Variants in IQGAP3 observed in about 807,000 individuals in gnomAD.
IQGAP3 encodes IQ motif containing GTPase activating protein 3, also known as ras GTPase-activating-like protein IQGAP3.
Under a neutral mutation model 208.2 loss-of-function variants are expected in IQGAP3, and 165 were observed. That is an observed-to-expected ratio of 0.79 (90% CI 0.70 to 0.90). The LOEUF (loss-of-function observed/expected upper bound fraction) is 0.90, where lower values mean the gene tolerates loss of function less well. Ranked by LOEUF, IQGAP3 falls within the 40% of genes least tolerant of loss-of-function variation. The pLI is 0.00. For missense variants in IQGAP3, 1,811 were observed against 2,043.1 expected (o/e 0.89, Z 2.19); for synonymous variants, 703 against 803.6 (o/e 0.87, Z 2.12).
rs1192416330 is a variant in IQGAP3, at chr1:156,539,956, C to G, written c.2774G>C (p.Arg925Thr). ...VVSHCKKLTK[R>T]NKEQLSDMMV... is the part of the protein sequence containing the mutation. Reference sequence around the variant, plus strand: ...CATATCTGACAGCTGTTCCTTATTCCTCTTGGTCAGCTTCTTGCAGTGGGA... The same window carrying G: ...CATATCTGACAGCTGTTCCTTATTCGTCTTGGTCAGCTTCTTGCAGTGGGA... Residue 925 changes from arginine (R) to threonine (T), a missense_variant, in exon 24 of 38, where the codon AGG (arginine) becomes ACG (threonine). Physicochemically the swap from Arg to Thr is moderately conservative, Grantham distance 71. Coordinates refer to ENST00000361170, the MANE Select transcript of IQGAP3 (RefSeq NM_178229.5). 1 of 1,614,104 alleles carries G rather than the reference C, an allele frequency of 6.2e-7. No individual in the cohort carries two copies. Among genetic ancestry groups the G allele is most frequent in the Admixed American group, 1.7e-5 (1 of 60,008 alleles).
Position 156,566,584 on chromosome 1 carries a change from G to T in IQGAP3, c.126-38C>A. 3 of 1,600,960 alleles carry T rather than the reference G, an allele frequency of 1.9e-6. No homozygotes were observed. In the South Asian group the frequency reaches 3.3e-5, roughly 18 times the overall value. ...GAACACCTTCTCACGCACTCTGGCA[G>T]ACCACAGTGATTTATTCTAACAACA... is the stretch of plus-strand genomic sequence containing the variant. On this transcript the variant is annotated intron_variant, in intron 2 of 37. Transcript: ENST00000361170.
At chr1:156,553,597 T>C (rs186810550) in intron 13 of IQGAP3, among the ~76,000 whole-genome samples, 2 of 148,924 alleles carry the variant, frequency 1.3e-5, no homozygotes, top group South Asian at 4.3e-4. Context: ...TTTTTTTTTT[T>C]TGAGATGGAG....
At chr1:156,564,085 G>T (rs889837418) in intron 5 of IQGAP3, among the ~76,000 whole-genome samples, 1 of 152,154 alleles carries the variant, frequency 6.6e-6, no homozygotes, top group African/African-American at 2.4e-5. Flanking sequence ...GCAGTAGCAG[G>T]TCACTCAATG....
intron 7 of IQGAP3, 89 bp downstream of exon 7, chr1:156,563,464 C>T: frequency 7.5e-7 from 1 of 1,339,090 alleles, no homozygotes; most frequent in South Asian, 1.4e-5. Flanking sequence ...TGGATGAGAG[C>T]TGGCCAGAAC....
chr1:156,529,361 G>A (rs1034480440), intron 34 of IQGAP3, among the ~76,000 whole-genome samples: 1 of 152,056 alleles, frequency 6.6e-6, no homozygotes, highest in Non-Finnish European at 1.5e-5. Context: ...TGAGGATTGG[G>A]TTTTCATGCT....
chr1:156,554,493 T>G, intron 12 of IQGAP3, 101 bp from the exon 13 acceptor site: 4 of 1,206,964 alleles, frequency 3.3e-6, no homozygotes, highest in Non-Finnish European at 4.5e-6. Flanking sequence ...CCAGAGTCTC[T>G]ATCCCAAAAC....
At position 156,539,851 on chromosome 1, in the gene IQGAP3, AAG is replaced by A; in HGVS notation, c.2877_2878del (p.Phe960LeufsTer85). 6.2e-7 allele frequency: 1 copy of A among 1,614,182 alleles called. No individual in the cohort carries two copies. Among genetic ancestry groups the A allele is most frequent in the Non-Finnish European group, 8.5e-7 (1 of 1,180,014 alleles). On this transcript the variant is annotated frameshift_variant, in exon 24 of 38. Coordinates refer to ENST00000361170, the MANE Select transcript of IQGAP3 (RefSeq NM_178229.5). LOFTEE classifies it high-confidence loss of function. ...TCCTCTGCTAACCTGGAGCAGGTAG[AAG>A]AGGTGTTGGTATGCTTCTAGTTTCT...
At position 156,538,662 on chromosome 1, in the gene IQGAP3, A is replaced by T. The variant is rs1674821661; in HGVS notation, c.3281+147T>A. 14 of 648,882 alleles carry T rather than the reference A, an allele frequency of 2.2e-5. No homozygotes were observed. The South Asian group carries it at 2.4e-4, about 11-fold the overall frequency. The allele number at this position is 648,882 out of a possible 1,614,324, so 40.2% of individuals were successfully genotyped here. A position where few individuals can be genotyped will look rare whatever the true frequency, so the allele number is the denominator to read the frequency against. On this transcript the variant is annotated intron_variant, in intron 26 of 37. Coordinates refer to ENST00000361170, the MANE Select transcript of IQGAP3 (RefSeq NM_178229.5). Reference sequence around the variant, plus strand: ...AAAAGACTACCTTATTCATGCCTACAAAGCTGGTGTCATATTTGCATAGAT... The same window carrying T: ...AAAAGACTACCTTATTCATGCCTACTAAGCTGGTGTCATATTTGCATAGAT...
chr1:156,569,644 G>A (rs574009644), intron 1 of IQGAP3, among the ~76,000 whole-genome samples, 181 bp from the exon 2 acceptor site: 2 of 136,026 alleles, frequency 1.5e-5, no homozygotes, highest in South Asian at 2.5e-4. Context: ...TCAGCCTCCC[G>A]AGTAGCTGGG....
chr1:156,555,825 A>G (rs988907572), intron 12 of IQGAP3, among the ~76,000 whole-genome samples: 3 of 152,218 alleles, frequency 2.0e-5, no homozygotes, highest in Non-Finnish European at 4.4e-5. Flanking sequence ...TTTAGTCACA[A>G]TGCTTTACTT....
At position 156,527,796 on chromosome 1, in the gene IQGAP3, ACCC is replaced by A. The variant is rs557980280; in HGVS notation, c.4782+153_4782+155del. On this transcript the variant is annotated intron_variant, in intron 37 of 37. Transcript: ENST00000361170. ...GGAAAGGGGGGCTTGGGCTGCACAGACCCCCACCCTTCTCTTCAGGAACAGACG... is the reference window on the plus strand; with the variant it reads ...GGAAAGGGGGGCTTGGGCTGCACAGACCACCCTTCTCTTCAGGAACAGACG... Among the ~76,000 whole-genome samples the A allele has an allele frequency of 7.9e-5, 12 of 151,934 alleles. No homozygotes were observed. The South Asian group carries it at 2.5e-3, about 32-fold the overall frequency.
rs1674056007 is a variant in IQGAP3, at chr1:156,526,335, C to G, written c.*151G>C. 3.2e-6 allele frequency: 2 copies of G among 627,888 alleles called. No individual in the cohort carries two copies. The highest frequency in any genetic ancestry group is 2.9e-6 in the Non-Finnish European group (1 of 350,008). 38.9% of individuals were successfully genotyped at this position (627,888 alleles called of 1,614,324 possible). On this transcript the variant is annotated 3_prime_UTR_variant, in exon 38 of 38. Coordinates refer to ENST00000361170, the MANE Select transcript of IQGAP3 (RefSeq NM_178229.5). The stretch of plus-strand genomic sequence containing the variant: ...GATACACTGTCTGTGGCCAGGCAGG[C>G]AAGCTCCTCCCAGCTGGGGAAGGGG...
chr1:156,565,926 A>G, intron 4 of IQGAP3, 101 bp downstream of exon 4: 1 of 882,644 alleles, frequency 1.1e-6, no homozygotes, highest in Non-Finnish European at 1.9e-6. Flanking sequence ...TAGAAGACAC[A>G]TGGAAATAGG....
intron 22 of IQGAP3, among the ~76,000 whole-genome samples, chr1:156,541,309 C>T (rs1423029884): frequency 6.6e-6 from 1 of 151,892 alleles, no homozygotes; most frequent in Non-Finnish European, 1.5e-5. Flanking sequence ...CCTCCTCCTC[C>T]TACCTGCCAG....
intron 19 of IQGAP3, among the ~76,000 whole-genome samples, chr1:156,547,333 G>C (rs1675293648): frequency 6.6e-6 from 1 of 151,658 alleles, no homozygotes; most frequent in African/African-American, 2.4e-5. Context: ...AGCCCTCCTA[G>C]TGTCCTAGCC....
chr1:156,562,688 G>T lies in IQGAP3; in HGVS notation c.799-23C>A, dbSNP rs772805657. 8 of 1,595,628 alleles carry T rather than the reference G, an allele frequency of 5.0e-6. No homozygotes were observed. In the Admixed American group the frequency reaches 1.2e-4, roughly 23 times the overall value. ...ATCCTGCAAAAACTCCATTGAAAGG[G>T]AACCTGGGAAACCCAATTTAATCTC... On this transcript the variant is annotated intron_variant, in intron 8 of 37. Coordinates refer to ENST00000361170, the MANE Select transcript of IQGAP3 (RefSeq NM_178229.5).
In IQGAP3 at chr1:156,550,255, A is replaced by G. The variant is rs753937560; in HGVS notation, c.1825+6T>C. The G allele has an allele frequency of 1.2e-6, 2 of 1,606,670 alleles. No homozygotes were observed. The highest frequency in any genetic ancestry group is 3.3e-5 in the Admixed American group (2 of 59,968). Reference sequence around the variant, plus strand: ...CCTCCCAGGGTCCCCCAACCAGTCCATTTACTTCTCTGAGCTGTATTAGTG... The same window carrying G: ...CCTCCCAGGGTCCCCCAACCAGTCCGTTTACTTCTCTGAGCTGTATTAGTG... On this transcript the variant is annotated splice_donor_region_variant and intron_variant, in intron 16 of 37. Coordinates refer to ENST00000361170, the MANE Select transcript of IQGAP3 (RefSeq NM_178229.5).
chr1:156,548,113 T>A lies in IQGAP3; in HGVS notation c.2264A>T (p.His755Leu). ...TGCTGGGAGCCAGGTCCTCAGAAAG[T>A]GGGAATGCTCAGCAAACTTCTGCCG... ...LVRQKFAEHS[H>L]FLRTWLPAVI... is the part of the protein sequence containing the mutation. Residue 755 changes from histidine (H) to leucine (L), a missense_variant, in exon 19 of 38, where the codon CAC (histidine) becomes CTC (leucine). Transcript: ENST00000361170. 1.2e-6 allele frequency: 2 copies of A among 1,613,566 alleles called. No homozygotes were observed. Among genetic ancestry groups the A allele is most frequent in the Non-Finnish European group, 1.7e-6 (2 of 1,179,788 alleles).
chr1:156,555,035 CA>C (rs1417202123), intron 12 of IQGAP3, among the ~76,000 whole-genome samples: 1 of 151,986 alleles, frequency 6.6e-6, no homozygotes, highest in Non-Finnish European at 1.5e-5. Flanking sequence ...GCCTGGGTGA[CA>C]GAGCCAGACC....
Sources: allele counts gnomAD v4.1 joint callset (sites outside exome capture counted in the v4.1 genomes callset), GRCh38; gene constraint gnomAD v4.1.1; transcripts MANE v1.5; gene names NCBI Gene and HGNC (gene_info 2026-07-23, HGNC 2026-07-21).